The following BTBD9 variants were observed in gnomAD, a reference collection of about 807,000 sequenced individuals.
The protein encoded by BTBD9 is BTB domain containing 9.
In BTBD9, 49 loss-of-function variants were observed where a neutral mutation model predicts 64.3. That is an observed-to-expected ratio of 0.76 (90% CI 0.61 to 0.97). The LOEUF is 0.97. Ranked by LOEUF, BTBD9 falls within the 50% of genes least tolerant of loss-of-function variation. The probability of loss-of-function intolerance (pLI) is 0.00; values close to 1 mark genes in which losing one functional copy is unlikely to be tolerated. For synonymous variants in BTBD9, 260 were observed against 274.7 expected (o/e 0.95, Z 0.53); for missense variants, 598 against 762.1 (o/e 0.78, Z 2.53).
intron 7 of BTBD9, among the ~76,000 whole-genome samples, chr6:38,327,586 A>G (rs891325177): frequency 6.6e-6 from 1 of 152,208 alleles, no homozygotes; most frequent in African/African-American, 2.4e-5. Flanking sequence ...CATAACTGAC[A>G]TATAATAAAC....
intron 6 of BTBD9, chr6:38,504,587 T>A: frequency 4.4e-6 from 2 of 456,736 alleles, no homozygotes; most frequent in Non-Finnish European, 8.8e-6. Flanking sequence ...TGGATTTTTT[T>A]AGGCTTTGGG....
chr6:38,253,880 A>C (rs1017962941), intron 9 of BTBD9, among the ~76,000 whole-genome samples: 7 of 151,704 alleles, frequency 4.6e-5, no homozygotes, highest in Non-Finnish European at 8.8e-5. Context: ...AGTGGCAAGA[A>C]GCTGGATTTA....
chr6:38,540,542 T>A (rs1774225613), intron 6 of BTBD9, among the ~76,000 whole-genome samples: 2 of 152,342 alleles, frequency 1.3e-5, no homozygotes, highest in South Asian at 2.1e-4. Context: ...TTAAGATGCC[T>A]CTGGGCACTT....
At chr6:38,528,191 G>A (rs1278457832) in intron 6 of BTBD9, among the ~76,000 whole-genome samples, 1 of 152,110 alleles carries the variant, frequency 6.6e-6, no homozygotes, top group African/African-American at 2.4e-5. Context: ...GCAGCACTGG[G>A]CAGAACTCAG....
chr6:38,636,221 G>A (rs911238995), intron 1 of BTBD9, among the ~76,000 whole-genome samples: 1 of 152,168 alleles, frequency 6.6e-6, no homozygotes, highest in Non-Finnish European at 1.5e-5. Context: ...CAGCATAACA[G>A]AGATTTGACC....
In BTBD9 at chr6:38,390,516, C is replaced by T. The variant is rs1202145838; in HGVS notation, c.1155-45423G>A. On this transcript the variant is annotated intron_variant, in intron 6 of 10. Coordinates refer to ENST00000481247, the MANE Select transcript of BTBD9 (RefSeq NM_001099272.2). ...AGAGAGCATTCTGAAGAAACAATAA[C>T]AGCTAATGTTCAAGATACTGAAATC... 3.3e-5 allele frequency among the ~76,000 whole-genome samples: 5 copies of T among 152,184 alleles called. No homozygotes were observed. In the East Asian group the frequency reaches 9.6e-4, roughly 29 times the overall value.
chr6:38,319,591 C>T (rs1049026455), intron 7 of BTBD9, among the ~76,000 whole-genome samples: 1 of 152,026 alleles, frequency 6.6e-6, no homozygotes, highest in African/African-American at 2.4e-5. Context: ...CATCTGGGAG[C>T]TAGGGCCTGG....
chr6:38,566,630 C>T (rs1018790527), intron 6 of BTBD9, among the ~76,000 whole-genome samples: 1 of 152,176 alleles, frequency 6.6e-6, no homozygotes, highest in Admixed American at 6.5e-5. Flanking sequence ...TATTCGTTGA[C>T]AGCTGGTTAG....
chr6:38,507,427 T>C (rs1006004377), intron 6 of BTBD9, among the ~76,000 whole-genome samples: 5 of 152,186 alleles, frequency 3.3e-5, no homozygotes, highest in African/African-American at 1.2e-4. Flanking sequence ...GCCTATTCTG[T>C]TTTCTCAAAC....
intron 9 of BTBD9, among the ~76,000 whole-genome samples, chr6:38,207,673 C>T (rs1460506924): frequency 6.6e-6 from 1 of 150,764 alleles, no homozygotes; most frequent in Admixed American, 6.6e-5. Context: ...TACACTGAGA[C>T]CTTGAAGGAA....
At chr6:38,292,662 T>C (rs1198918468) in intron 7 of BTBD9, among the ~76,000 whole-genome samples, 2 of 152,204 alleles carry the variant, frequency 1.3e-5, no homozygotes, top group African/African-American at 4.8e-5. Context: ...TCAGTGGTGA[T>C]ATTCCCTTTA....
intron 6 of BTBD9, among the ~76,000 whole-genome samples, chr6:38,362,688 T>C (rs1309401710): frequency 6.6e-6 from 1 of 152,170 alleles, no homozygotes; most frequent in East Asian, 1.9e-4. Context: ...CATATACTGG[T>C]GGGATAACAT....
intron 7 of BTBD9, among the ~76,000 whole-genome samples, chr6:38,338,800 AAGAAG>A (rs1324220507): frequency 1.3e-5 from 2 of 152,214 alleles, no homozygotes; most frequent in Non-Finnish European, 2.9e-5. Context: ...GAAGACTCAT[AAGAAG>A]AGAAGAGCCA....
At position 38,580,420 on chromosome 6, in the gene BTBD9, C is replaced by G; in HGVS notation, c.832G>C (p.Ala278Pro). ...RGMLIPEENI[A>P]TMKYGAQVVK... ...ACTTGGGCTCCATACTTCATAGTTGCAATGTTTTCTTCTGGTACTACAGTT... is the reference window on the plus strand; with the variant it reads ...ACTTGGGCTCCATACTTCATAGTTGGAATGTTTTCTTCTGGTACTACAGTT... The change falls in exon 5 of 11, where the codon GCA (alanine) becomes CCA (proline). Residue 278 changes from alanine to proline, a missense_variant. Ala to Pro is a conservative substitution (Grantham distance 27, BLOSUM62 -1). Coordinates refer to ENST00000481247, the MANE Select transcript of BTBD9 (RefSeq NM_001099272.2). 1 of 1,613,868 alleles carries G rather than the reference C, an allele frequency of 6.2e-7. No homozygotes were observed. The highest frequency in any genetic ancestry group is 1.1e-5 in the South Asian group (1 of 91,068).
chr6:38,638,354 A>C (rs1017334275), intron 1 of BTBD9, among the ~76,000 whole-genome samples: 1 of 152,220 alleles, frequency 6.6e-6, no homozygotes, highest in African/African-American at 2.4e-5. Context: ...TCCCACACCT[A>C]TCATGATACT....
intron 1 of BTBD9, among the ~76,000 whole-genome samples, chr6:38,627,557 C>T (rs1308068858): frequency 6.6e-6 from 1 of 152,156 alleles, no homozygotes; most frequent in Admixed American, 6.5e-5. Context: ...TTGTTCACCC[C>T]TGCATCCCCA....
intron 6 of BTBD9, among the ~76,000 whole-genome samples, chr6:38,447,298 C>A (rs188459241): frequency 7.2e-4 from 110 of 152,302 alleles, no homozygotes; most frequent in Middle Eastern, 3.4e-3. Flanking sequence ...CAATTCGTTA[C>A]AATTCGGCTG....
chr6:38,214,010 A>AAATAATAATAATAATAAT (rs3047750), intron 9 of BTBD9, among the ~76,000 whole-genome samples: 51 of 147,618 alleles, frequency 3.5e-4, no homozygotes, highest in African/African-American at 1.2e-3. Context: ...AAACAAACAA[A>AAATAATAATAATAATAAT]AATAATAATA....
chr6:38,422,710 G>A (rs1254947366), intron 6 of BTBD9, among the ~76,000 whole-genome samples: 2 of 152,148 alleles, frequency 1.3e-5, no homozygotes, highest in Non-Finnish European at 2.9e-5. Flanking sequence ...AACTTTCTCA[G>A]AGGTCACGAT....
Sources: allele counts gnomAD v4.1 joint callset (sites outside exome capture counted in the v4.1 genomes callset), GRCh38; gene constraint gnomAD v4.1.1; transcripts MANE v1.5; gene names NCBI Gene and HGNC (gene_info 2026-07-23, HGNC 2026-07-21).